The following CADM1 variants were observed in gnomAD, a reference collection of about 807,000 sequenced individuals.
CADM1 encodes the protein TSLC-1.
CADM1 carries 15 observed loss-of-function variants against 53.1 expected under a neutral mutation model. The observed-to-expected ratio is 0.28, with a 90% CI of 0.19 to 0.44. The LOEUF (loss-of-function observed/expected upper bound fraction) is 0.44, where lower values mean the gene tolerates loss of function less well. Ranked by LOEUF, CADM1 falls within the 20% of genes least tolerant of loss-of-function variation. CADM1 has a pLI of 1.00. For missense variants in CADM1, 434 were observed against 611.3 expected (o/e 0.71, Z 3.06); for synonymous variants, 281 against 243.0 (o/e 1.16, Z -1.45).
intron 1 of CADM1, among the ~76,000 whole-genome samples, chr11:115,269,197 C>T (rs528693779): frequency 2.0e-5 from 3 of 152,162 alleles, no homozygotes; most frequent in African/African-American, 7.2e-5. Flanking sequence ...CAGTGGCCCA[C>T]ACTTGCTCTT....
chr11:115,280,459 G>A (rs190862890), intron 1 of CADM1, among the ~76,000 whole-genome samples: 28 of 152,294 alleles, frequency 1.8e-4, no homozygotes, highest in Admixed American at 1.2e-3. Context: ...GATGAAAAAT[G>A]CTGGAATTTG....
intron 1 of CADM1, among the ~76,000 whole-genome samples, chr11:115,360,849 T>A (rs893134731): frequency 1.1e-4 from 17 of 151,512 alleles, no homozygotes; most frequent in African/African-American, 3.9e-4. Flanking sequence ...AACCTACTCA[T>A]AAAATACAGC....
At chr11:115,432,122 T>C (rs1330795549) in intron 1 of CADM1, among the ~76,000 whole-genome samples, 1 of 151,992 alleles carries the variant, frequency 6.6e-6, no homozygotes, top group East Asian at 1.9e-4. Context: ...AATTTTTGTA[T>C]TTTTAGTAGA....
At position 115,458,489 on chromosome 11, in the gene CADM1, C is replaced by A. The variant is rs973550537; in HGVS notation, c.124+45782G>T. ...GGCAGTAGGTATTCCTAAATGTTAG[C>A]TGTAATTATTATTATTATTATTATT... On this transcript the variant is annotated intron_variant, in intron 1 of 11. Coordinates refer to ENST00000331581, the MANE Select transcript of CADM1 (RefSeq NM_001301043.2). Among the ~76,000 whole-genome samples the A allele has an allele frequency of 1.2e-4, 13 of 108,198 alleles. No individual in the cohort carries two copies. The South Asian group carries it at 3.7e-3, about 31-fold the overall frequency. The allele number at this position is 108,198 out of a possible 152,430, so 71.0% of individuals were successfully genotyped here. A position where few individuals can be genotyped will look rare whatever the true frequency, so the allele number is the denominator to read the frequency against.
At position 115,430,426 on chromosome 11, in the gene CADM1, CA is replaced by C. The variant is rs1363532915; in HGVS notation, c.124+73844del. ...AATAAATTCCATCAACATTAAATCA[CA>C]TCTTCTTGAATTATAAACCTATCAA... On this transcript the variant is annotated intron_variant, in intron 1 of 11. Coordinates refer to ENST00000331581, the MANE Select transcript of CADM1 (RefSeq NM_001301043.2). Among the ~76,000 whole-genome samples the C allele has an allele frequency of 3.9e-5, 6 of 152,338 alleles. No homozygotes were observed. The East Asian group carries it at 1.2e-3, about 29-fold the overall frequency.
chr11:115,215,867 C>T (rs1276435424), intron 6 of CADM1, among the ~76,000 whole-genome samples: 3 of 152,156 alleles, frequency 2.0e-5, no homozygotes, highest in Non-Finnish European at 2.9e-5. Flanking sequence ...AGCAGCGACA[C>T]GACAAGAGAC....
At chr11:115,305,900 CAAAAAAA>C (rs35517673) in intron 1 of CADM1, among the ~76,000 whole-genome samples, 1 of 80,840 alleles carries the variant, frequency 1.2e-5, no homozygotes, top group Admixed American at 1.5e-4. Context: ...GACTCCATCT[CAAAAAAA>C]AAAAAAAAAA....
chr11:115,227,724 C>G (rs1259307084), intron 5 of CADM1, among the ~76,000 whole-genome samples: 7 of 151,782 alleles, frequency 4.6e-5, no homozygotes, highest in Non-Finnish European at 7.4e-5. Context: ...ACGAGGAAAC[C>G]CTGCATTATG....
At chr11:115,207,063 T>C (rs1232378556) in intron 8 of CADM1, among the ~76,000 whole-genome samples, 1 of 152,122 alleles carries the variant, frequency 6.6e-6, no homozygotes, top group Non-Finnish European at 1.5e-5. Context: ...AAGTGTACTT[T>C]CTGGGCAAGA....
chr11:115,496,787 C>A (rs1949626713), intron 1 of CADM1, among the ~76,000 whole-genome samples: 1 of 152,074 alleles, frequency 6.6e-6, no homozygotes, highest in Non-Finnish European at 1.5e-5. Context: ...TCAGTGCAAG[C>A]AGGAAAGCTA....
rs145631128 is a variant in CADM1 at position 115,442,855 on chromosome 11, A to T, written c.124+61416T>A. On this transcript the variant is annotated intron_variant, in intron 1 of 11. Transcript: ENST00000331581. Reference sequence around the variant, plus strand: ...TCCACCACCCCTGAGGACAAGATACATGATTTAACACCTTTTACTTAACAA... The same window carrying T: ...TCCACCACCCCTGAGGACAAGATACTTGATTTAACACCTTTTACTTAACAA... 1.8e-4 allele frequency among the ~76,000 whole-genome samples: 27 copies of T among 152,324 alleles called. No homozygotes were observed. In the East Asian group the frequency reaches 4.8e-3, roughly 27 times the overall value.
intron 1 of CADM1, among the ~76,000 whole-genome samples, chr11:115,448,998 G>C (rs1591253715): frequency 6.6e-6 from 1 of 152,228 alleles, no homozygotes; most frequent in East Asian, 1.9e-4. Flanking sequence ...CTGTCTGAAA[G>C]TCTCGCCTAA....
At chr11:115,215,979 G>T (rs924808896) in intron 6 of CADM1, among the ~76,000 whole-genome samples, 1 of 152,126 alleles carries the variant, frequency 6.6e-6, no homozygotes, top group Non-Finnish European at 1.5e-5. Context: ...TTACACATGG[G>T]TTTGTCATCA....
intron 1 of CADM1, among the ~76,000 whole-genome samples, chr11:115,348,363 A>C (rs1945638929): frequency 6.6e-6 from 1 of 152,246 alleles, no homozygotes; most frequent in Non-Finnish European, 1.5e-5. Context: ...AGACACATGC[A>C]GAAGACAAAT....
intron 1 of CADM1, among the ~76,000 whole-genome samples, chr11:115,408,600 C>T (rs1330860297): frequency 2.0e-5 from 3 of 152,200 alleles, no homozygotes; most frequent in Non-Finnish European, 2.9e-5. Flanking sequence ...TTTAGTCCTG[C>T]TTTTACTATG....
intron 1 of CADM1, among the ~76,000 whole-genome samples, chr11:115,434,574 G>C (rs1183128939): frequency 1.3e-5 from 2 of 152,146 alleles, no homozygotes; most frequent in Non-Finnish European, 2.9e-5. Flanking sequence ...GATGAGAACA[G>C]TTCTCACTTC....
At chr11:115,265,562 T>C (rs1943110677) in intron 1 of CADM1, among the ~76,000 whole-genome samples, 1 of 152,184 alleles carries the variant, frequency 6.6e-6, no homozygotes, top group African/African-American at 2.4e-5. Context: ...TCATCCCTCA[T>C]AAAATCATGG....
In CADM1 at chr11:115,174,990, T is replaced by C; in HGVS notation, c.*1484A>G. 1.0e-6 allele frequency: 1 copy of C among 985,866 alleles called. No homozygotes were observed. Among genetic ancestry groups the C allele is most frequent in the Non-Finnish European group, 1.2e-6 (1 of 829,942 alleles). 61.1% of individuals were successfully genotyped at this position (985,866 alleles called of 1,614,324 possible). A position where few individuals can be genotyped will look rare whatever the true frequency, so the allele number is the denominator to read the frequency against. ...TCTAAGATATGTTCAAGGTCACTGA[T>C]TTTAGTAGCTATGCACTATGGCTGC... On this transcript the variant is annotated 3_prime_UTR_variant, in exon 12 of 12. Transcript: ENST00000331581.
chr11:115,491,369 T>A (rs929630747), intron 1 of CADM1, among the ~76,000 whole-genome samples: 1 of 151,912 alleles, frequency 6.6e-6, no homozygotes, highest in Non-Finnish European at 1.5e-5. Context: ...ATCGAGACCA[T>A]CCTGGCTAAC....
Sources: gnomAD v4.1 joint callset for allele counts (sites outside exome capture counted in the v4.1 genomes callset) on GRCh38, gnomAD v4.1.1 for gene constraint, MANE v1.5 for transcripts, NCBI Gene and HGNC (gene_info 2026-07-23, HGNC 2026-07-21) for gene names.